RIN2: variants seen among roughly 807,000 people sequenced by gnomAD.
RIN2 encodes RAB5 interacting protein 2.
In RIN2, 36 loss-of-function variants were observed where a neutral mutation model predicts 78.0. The ratio of observed to expected loss-of-function variants is 0.46; its 90% CI spans 0.35 to 0.61. RIN2 has a LOEUF of 0.61. Among genes scored for constraint, RIN2 ranks in the 20% least tolerant of loss-of-function variants. The probability of loss-of-function intolerance (pLI) is 0.00; values close to 1 mark genes in which losing one functional copy is unlikely to be tolerated. For missense variants in RIN2, 1,087 were observed against 1,159.7 expected, an observed-to-expected ratio of 0.94 and a Z score of 0.91; for synonymous variants, 466 against 466.8, an observed-to-expected ratio of 1.00 and a Z score of 0.02.
At chr20:19,860,896 A>G (rs2037314131) in intron 2 of RIN2, among the ~76,000 whole-genome samples, 1 of 152,228 alleles carries the variant, frequency 6.6e-6, no homozygotes, top group Admixed American at 6.5e-5. Flanking sequence ...AAAGCCATAA[A>G]AGAGGTGGCA....
intron 2 of RIN2, among the ~76,000 whole-genome samples, chr20:19,854,653 T>G (rs1461257838): frequency 3.3e-5 from 5 of 152,124 alleles, no homozygotes; most frequent in South Asian, 4.1e-4. Context: ...TAGTGAATGG[T>G]AGTTCACTCA....
chr20:19,977,193 A>AG (rs369278286), intron 9 of RIN2, among the ~76,000 whole-genome samples: 25 of 152,076 alleles, frequency 1.6e-4, no homozygotes, highest in African/African-American at 5.5e-4. Context: ...CTGGGGTCAG[A>AG]GGGGGGTGCA....
chr20:19,766,738 T>C (rs2033900485), intron 1 of RIN2, among the ~76,000 whole-genome samples: 2 of 151,990 alleles, frequency 1.3e-5, no homozygotes, highest in African/African-American at 4.8e-5. Flanking sequence ...CTGGCCAATA[T>C]GGTGAAACCC....
chr20:19,847,108 C>T (rs2036809839), intron 2 of RIN2, among the ~76,000 whole-genome samples: 1 of 152,174 alleles, frequency 6.6e-6, no homozygotes, highest in South Asian at 2.1e-4. Flanking sequence ...GCCCTGCAGT[C>T]AACATTGTTT....
chr20:19,983,916 C>CATGT (rs2042542628), intron 9 of RIN2, among the ~76,000 whole-genome samples: 1 of 151,892 alleles, frequency 6.6e-6, no homozygotes, highest in Admixed American at 6.6e-5. Context: ...TTCTAGGGTA[C>CATGT]ATGTGTGCAA....
At chr20:19,809,408 G>A (rs776928155) in intron 2 of RIN2, 1 of 152,770 alleles carries the variant, frequency 6.5e-6, no homozygotes, top group Non-Finnish European at 1.5e-5. Flanking sequence ...GGATGGTGGA[G>A]ACCATGTGGA....
intron 2 of RIN2, among the ~76,000 whole-genome samples, chr20:19,887,179 T>C (rs1210853850): frequency 9.3e-6 from 1 of 107,730 alleles, no homozygotes; most frequent in Non-Finnish European, 1.8e-5. Flanking sequence ...ACCATGCCCA[T>C]CTATTTTTTT....
At chr20:19,923,425 TAAATAAAATA>T (rs561665019) in intron 3 of RIN2, among the ~76,000 whole-genome samples, 111 of 125,306 alleles carry the variant, frequency 8.9e-4, no homozygotes, top group Non-Finnish European at 1.4e-3. Context: ...CAAAATAAAA[TAAATAAAATA>T]AAATAAAATA....
intron 3 of RIN2, among the ~76,000 whole-genome samples, chr20:19,918,171 C>T (rs1044229088): frequency 7.2e-5 from 11 of 152,050 alleles, no homozygotes; most frequent in Non-Finnish European, 1.5e-4. Flanking sequence ...GGGGGGACAC[C>T]AAGTTAGAGC....
chr20:19,949,954 C>T (rs560242811), intron 4 of RIN2, among the ~76,000 whole-genome samples: 2 of 152,316 alleles, frequency 1.3e-5, no homozygotes, highest in East Asian at 3.9e-4. Context: ...GAGCTTTCTG[C>T]AATCACTTAC....
rs117683842 is a variant in RIN2, at chr20:19,889,622, C to T, written c.21C>T (p.Gly7=). 5.4e-5 allele frequency: 84 copies of T among 1,548,640 alleles called. No individual in the cohort carries two copies. The highest frequency in any genetic ancestry group is 4.3e-4 in the South Asian group (36 of 82,858). Residue 7 remains glycine, a synonymous_variant, in exon 3 of 13, where the codon GGC becomes GGT. Transcript: ENST00000255006. The part of the protein sequence containing the change: MTAWTM[G]ARGLDKRGSF... Reference sequence around the variant, plus strand: ...GGGAAATGACAGCTTGGACCATGGGCGCCCGCGGTCTGGACAAGCGAGGAA... The same window carrying T: ...GGGAAATGACAGCTTGGACCATGGGTGCCCGCGGTCTGGACAAGCGAGGAA...
At chr20:19,771,075 C>T (rs1031608896) in intron 1 of RIN2, among the ~76,000 whole-genome samples, 1 of 152,178 alleles carries the variant, frequency 6.6e-6, no homozygotes, top group Non-Finnish European at 1.5e-5. Context: ...AAGAGAAGCA[C>T]AGGGGGAGGC....
chr20:19,840,415 A>G (rs2036545437), intron 2 of RIN2, among the ~76,000 whole-genome samples: 1 of 152,248 alleles, frequency 6.6e-6, no homozygotes, highest in South Asian at 2.1e-4. Flanking sequence ...TGAGCAGGCA[A>G]CTTGGGGAAA....
chr20:19,879,401 C>T (rs749418839), intron 2 of RIN2, among the ~76,000 whole-genome samples: 7 of 152,228 alleles, frequency 4.6e-5, no homozygotes, highest in Middle Eastern at 3.4e-3. Flanking sequence ...TACCTGTTAT[C>T]GGCACATTTA....
chr20:19,993,823 A>G (rs1353039330), intron 11 of RIN2, among the ~76,000 whole-genome samples: 1 of 152,146 alleles, frequency 6.6e-6, no homozygotes, highest in Non-Finnish European at 1.5e-5. Flanking sequence ...TTTGTTATTA[A>G]TACAGTTTGG....
Position 20,000,586 on chromosome 20 carries a change from GTCTCAACAT to G in RIN2, c.2365-24_2365-16del. The G allele has an allele frequency of 6.4e-7, 1 of 1,554,908 alleles. No homozygotes were observed. Among genetic ancestry groups the G allele is most frequent in the Non-Finnish European group, 8.8e-7 (1 of 1,141,754 alleles). On this transcript the variant is annotated intron_variant, in intron 12 of 12. Transcript: ENST00000255006. ...CACTATCTAGTTTTCTCTTCTGACTGTCTCAACATTCCTCTTCCACCTGCAGAATTACCT... is the reference window on the plus strand; with the variant it reads ...CACTATCTAGTTTTCTCTTCTGACTGTCCTCTTCCACCTGCAGAATTACCT...
chr20:19,793,174 A>G (rs971466233), intron 1 of RIN2, among the ~76,000 whole-genome samples: 10 of 152,230 alleles, frequency 6.6e-5, no homozygotes, highest in Non-Finnish European at 1.3e-4. Context: ...CAAAAGCAAT[A>G]GGTAAAATTA....
At chr20:19,895,656 G>C (rs1353813957) in intron 3 of RIN2, 1 of 152,248 alleles carries the variant, frequency 6.6e-6, no homozygotes, top group Non-Finnish European at 1.5e-5. Flanking sequence ...CCCAGCAGCA[G>C]AGGCCCAACT....
At chr20:19,933,123 C>T (rs2040500839) in intron 3 of RIN2, among the ~76,000 whole-genome samples, 1 of 152,236 alleles carries the variant, frequency 6.6e-6, no homozygotes, top group African/African-American at 2.4e-5. Flanking sequence ...CCTAACTGGT[C>T]TTCCTGTTTC....
Sources: gnomAD v4.1 joint callset for allele counts (sites outside exome capture counted in the v4.1 genomes callset) on GRCh38, gnomAD v4.1.1 for gene constraint, MANE v1.5 for transcripts, NCBI Gene and HGNC (gene_info 2026-07-23, HGNC 2026-07-21) for gene names.